LDAH: variants seen among roughly 807,000 people sequenced by gnomAD.
LDAH encodes lipid droplet-associated hydrolase.
LDAH carries 26 observed loss-of-function variants against 29.6 expected under a neutral mutation model. That is an observed-to-expected ratio of 0.88 (90% CI 0.64 to 1.22). The LOEUF (loss-of-function observed/expected upper bound fraction) is 1.22. LDAH is among the 50% of genes most tolerant of loss of function. The pLI is 0.00. For missense variants in LDAH, 344 were observed against 387.3 expected, an observed-to-expected ratio of 0.89 and a Z score of 0.94; for synonymous variants, 117 against 133.0, an observed-to-expected ratio of 0.88 and a Z score of 0.83.
chr2:20,766,164 G>A (rs562349629), intron 4 of LDAH, among the ~76,000 whole-genome samples: 4 of 151,706 alleles, frequency 2.6e-5, no homozygotes, highest in Non-Finnish European at 5.9e-5. Flanking sequence ...TGAAACAAAA[G>A]TTTCATAATA....
At chr2:20,778,629 G>A (rs1468344603) in intron 3 of LDAH, among the ~76,000 whole-genome samples, 2 of 152,042 alleles carry the variant, frequency 1.3e-5, no homozygotes. Flanking sequence ...TGCCTTTCAG[G>A]AGATCATAAT....
chr2:20,705,940 G>A (rs1664274908), intron 5 of LDAH, among the ~76,000 whole-genome samples: 1 of 152,280 alleles, frequency 6.6e-6, no homozygotes, highest in Non-Finnish European at 1.5e-5. Context: ...TTTCTGTGAT[G>A]GTGGAAATGT....
At chr2:20,738,291 T>TAATAATAATAATAA (rs1263365814) in intron 5 of LDAH, among the ~76,000 whole-genome samples, 3 of 129,428 alleles carry the variant, frequency 2.3e-5, no homozygotes, top group African/African-American at 1.0e-4. Context: ...AATAATAATA[T>TAATAATAATAATAA]ATAGATTCTT....
At chr2:20,769,052 C>A (rs114005386) in intron 4 of LDAH, among the ~76,000 whole-genome samples, 89 of 152,226 alleles carry the variant, frequency 5.8e-4, no homozygotes, top group African/African-American at 2.0e-3. Flanking sequence ...CATGCCCGAT[C>A]GACCCCTCCA....
intron 1 of LDAH, among the ~76,000 whole-genome samples, chr2:20,816,570 C>T (rs1672863878): frequency 1.3e-5 from 2 of 151,864 alleles, no homozygotes; most frequent in Admixed American, 6.6e-5. Flanking sequence ...TGTATATGCA[C>T]CAAACAACAG....
chr2:20,710,460 AC>A lies in LDAH; in HGVS notation c.704-8809del, dbSNP rs949393865. 1.5e-3 allele frequency among the ~76,000 whole-genome samples: 233 copies of A among 151,594 alleles called. 1 individual carries two copies. Among genetic ancestry groups the A allele is most frequent in the African/African-American group, 5.2e-3 (216 of 41,414 alleles). On this transcript the variant is annotated intron_variant, in intron 5 of 6. Coordinates refer to ENST00000237822, the MANE Select transcript of LDAH (RefSeq NM_021925.4). ...AATTTAAAATCTCTTCACAAAGAAA[AC>A]CCCAGGCCAAGATGATTTCATTAGT...
At chr2:20,727,596 C>A (rs1666107531) in intron 5 of LDAH, among the ~76,000 whole-genome samples, 1 of 152,116 alleles carries the variant, frequency 6.6e-6, no homozygotes. Context: ...TTTGGCCTAA[C>A]TAACGAAAAG....
At chr2:20,691,539 G>A (rs1460922450) in intron 6 of LDAH, among the ~76,000 whole-genome samples, 1 of 152,180 alleles carries the variant, frequency 6.6e-6, no homozygotes, top group Non-Finnish European at 1.5e-5. Context: ...GGCACTGTGT[G>A]TCATGGGGGT....
At chr2:20,752,850 T>C (rs760427648) in intron 4 of LDAH, among the ~76,000 whole-genome samples, 3 of 152,234 alleles carry the variant, frequency 2.0e-5, no homozygotes, top group African/African-American at 7.2e-5. Context: ...CCCTGACTTA[T>C]GGCCTCATCA....
chr2:20,748,092 A>G (rs1300158176), intron 4 of LDAH, among the ~76,000 whole-genome samples: 1 of 152,224 alleles, frequency 6.6e-6, no homozygotes, highest in Admixed American at 6.5e-5. Flanking sequence ...ATTTAGCTCC[A>G]GAAATAATTA....
chr2:20,820,909 A>C (rs1335712603), intron 1 of LDAH, among the ~76,000 whole-genome samples: 2 of 142,670 alleles, frequency 1.4e-5, no homozygotes, highest in Non-Finnish European at 3.0e-5. Context: ...GAACTCAAAC[A>C]AATTTACAAG....
intron 1 of LDAH, among the ~76,000 whole-genome samples, chr2:20,808,279 C>A (rs1288042499): frequency 1.3e-5 from 2 of 152,180 alleles, no homozygotes; most frequent in African/African-American, 2.4e-5. Flanking sequence ...AAATTCCAAT[C>A]CAAATCAGGT....
intron 3 of LDAH, among the ~76,000 whole-genome samples, chr2:20,782,417 T>C (rs1038928604): frequency 2.0e-5 from 3 of 152,242 alleles, no homozygotes; most frequent in Admixed American, 6.5e-5. Context: ...TAATGTGATG[T>C]TGAATTCAGT....
At chr2:20,712,990 C>T (rs934584278) in intron 5 of LDAH, among the ~76,000 whole-genome samples, 22 of 152,206 alleles carry the variant, frequency 1.4e-4, no homozygotes, top group African/African-American at 5.1e-4. Context: ...GGAGAACTTT[C>T]CCAACCTAGC....
In LDAH at chr2:20,685,410, T is replaced by A; in HGVS notation, c.*1493A>T. The A allele has an allele frequency of 9.0e-7, 1 of 1,110,010 alleles. No homozygotes were observed. The highest frequency in any genetic ancestry group is 1.3e-6 in the Non-Finnish European group (1 of 796,930). The allele number at this position is 1,110,010 out of a possible 1,614,324, so 68.8% of individuals were successfully genotyped here. ...AAGGATCTGTGTACAGCCCTGTGCT[T>A]ACGGCCTATGTATCTATTAGCTCTT... On this transcript the variant is annotated 3_prime_UTR_variant, in exon 7 of 7. Coordinates refer to ENST00000237822, the MANE Select transcript of LDAH (RefSeq NM_021925.4).
chr2:20,822,524 C>A (rs962422820), intron 1 of LDAH, among the ~76,000 whole-genome samples: 2 of 152,150 alleles, frequency 1.3e-5, no homozygotes, highest in African/African-American at 2.4e-5. Flanking sequence ...TACGAATTAA[C>A]CAAGGAATAA....
chr2:20,811,642 G>A (rs1293140772), intron 1 of LDAH, among the ~76,000 whole-genome samples: 1 of 151,662 alleles, frequency 6.6e-6, no homozygotes, highest in Non-Finnish European at 1.5e-5. Flanking sequence ...CTGCCACCAT[G>A]CCTGGCTAAT....
Position 20,715,487 on chromosome 2 carries a change from A to C in LDAH, c.704-13835T>G, listed in dbSNP as rs372709047. Among the ~76,000 whole-genome samples the C allele has an allele frequency of 1.5e-3, 231 of 152,300 alleles. 5 individuals are homozygous for C. In the South Asian group the frequency reaches 0.044, roughly 29 times the overall value. ...AACCGGCACAAGACAGGGATGCCCT[A>C]TCTCACCACACCTATTTAACATAGT... On this transcript the variant is annotated intron_variant, in intron 5 of 6. Coordinates refer to ENST00000237822, the MANE Select transcript of LDAH (RefSeq NM_021925.4).
intron 5 of LDAH, among the ~76,000 whole-genome samples, chr2:20,738,605 C>T (rs1666969649): frequency 6.6e-6 from 1 of 152,062 alleles, no homozygotes; most frequent in Non-Finnish European, 1.5e-5. Context: ...AGGAGTTGGA[C>T]CAAATGGTCT....
Sources: allele counts gnomAD v4.1 joint callset (sites outside exome capture counted in the v4.1 genomes callset), GRCh38; gene constraint gnomAD v4.1.1; transcripts MANE v1.5; gene names NCBI Gene and HGNC (gene_info 2026-07-23, HGNC 2026-07-21).